Variants in SLC24A1 observed in about 807,000 individuals in gnomAD.
SLC24A1 encodes solute carrier family 24 member 1.
A neutral mutation model predicts 88.1 loss-of-function variants in SLC24A1; 52 were observed. That is an observed-to-expected ratio of 0.59 (90% CI 0.47 to 0.74). The LOEUF is 0.74. Among genes scored for constraint, SLC24A1 ranks in the 30% least tolerant of loss-of-function variants. The pLI, the probability that SLC24A1 is intolerant of heterozygous loss-of-function variation, is 0.00. For missense variants in SLC24A1, 1,173 were observed against 1,363.3 expected (o/e 0.86, Z 2.20); for synonymous variants, 455 against 498.0 (o/e 0.91, Z 1.15).
At chr15:65,621,336 C>T (rs145089221), upstream of SLC24A1, among the ~76,000 whole-genome samples, 479 of 152,312 alleles carry the variant, frequency 3.1e-3, 5 homozygotes, top group African/African-American at 0.011. Flanking sequence ...GGGCTCAGGG[C>T]ACCAACTCCT....
chr15:65,654,748 C>T lies in SLC24A1; in HGVS notation c.*669C>T. 8.2e-7 allele frequency: 1 copy of T among 1,216,984 alleles called. No homozygotes were observed. The highest frequency in any genetic ancestry group is 1.1e-6 in the Non-Finnish European group (1 of 930,012). The allele number at this position is 1,216,984 out of a possible 1,614,324, so 75.4% of individuals were successfully genotyped here. On this transcript the variant is annotated 3_prime_UTR_variant, in exon 10 of 10. Transcript: ENST00000261892. ...GAGACAGAGTTTGGCTCTTGTTGCC[C>T]AGGCTGGTGTGCAATGGCGTGATCT...
chr15:65,631,828 GATTTT>G (rs1347868774), intron 2 of SLC24A1, among the ~76,000 whole-genome samples: 3 of 152,052 alleles, frequency 2.0e-5, no homozygotes, highest in Non-Finnish European at 4.4e-5. Context: ...ACAGAGTTTG[GATTTT>G]ATTTTATTTT....
chr15:65,644,386 C>A, intron 4 of SLC24A1, 41 bp from the exon 5 acceptor site: 2 of 1,382,032 alleles, frequency 1.4e-6, no homozygotes, highest in Non-Finnish European at 2.0e-6. Context: ...AGGGATGATC[C>A]TACAATTCCA....
At chr15:65,651,473 G>A (rs1323992212) in intron 7 of SLC24A1, among the ~76,000 whole-genome samples, 197 bp from the exon 8 acceptor site, 1 of 152,062 alleles carries the variant, frequency 6.6e-6, no homozygotes, top group East Asian at 1.9e-4. Flanking sequence ...TCCCCTACAG[G>A]TGTACCCCCA....
At chr15:65,657,493 A>G (rs1402498757), downstream of SLC24A1, among the ~76,000 whole-genome samples, 2 of 152,070 alleles carry the variant, frequency 1.3e-5, no homozygotes, top group African/African-American at 4.8e-5. Context: ...AATACCAAAA[A>G]TTAGCCGGGC....
At chr15:65,652,902 C>A (rs1460042927) in intron 9 of SLC24A1, 94 bp downstream of exon 9, 7 of 1,024,882 alleles carry the variant, frequency 6.8e-6, no homozygotes, top group Admixed American at 2.5e-5. Flanking sequence ...ATTCATTATA[C>A]ATAGAATAAA....
Position 65,654,023 on chromosome 15 carries a change from C to T in SLC24A1, c.3244C>T (p.Leu1082=). Residue 1082 remains leucine (L), a synonymous_variant, in exon 10 of 10, where the codon CTG becomes TTG. Transcript: ENST00000261892. ...FTMFLLYFVF[L]IISVMLEDRI... ...AATGTTCCTCCTTTACTTTGTATTC[C>T]TGATAATCAGTGTGATGTTAGAAGA... is the stretch of plus-strand genomic sequence containing the variant. The T allele has an allele frequency of 2.5e-6, 4 of 1,613,788 alleles. No individual in the cohort carries two copies. Among genetic ancestry groups the T allele is most frequent in the Non-Finnish European group, 3.4e-6 (4 of 1,179,720 alleles).
intron 2 of SLC24A1, among the ~76,000 whole-genome samples, chr15:65,637,893 T>A (rs1327211140): frequency 6.6e-6 from 1 of 152,102 alleles, no homozygotes; most frequent in Non-Finnish European, 1.5e-5. Flanking sequence ...AGACAGTTGG[T>A]GCCACTGGAC....
chr15:65,654,234 G>A lies in SLC24A1; in HGVS notation c.*155G>A. The A allele has an allele frequency of 1.4e-6, 2 of 1,424,360 alleles. No homozygotes were observed. Among genetic ancestry groups the A allele is most frequent in the Non-Finnish European group, 1.8e-6 (2 of 1,095,006 alleles). The allele number at this position is 1,424,360 out of a possible 1,614,324, so 88.2% of individuals were successfully genotyped here. On this transcript the variant is annotated 3_prime_UTR_variant, in exon 10 of 10. Coordinates refer to ENST00000261892, the MANE Select transcript of SLC24A1 (RefSeq NM_004727.3). The stretch of plus-strand genomic sequence containing the variant: ...TGAATGTGATCTGAGACTAAAGTTT[G>A]TCCTTGGAAACACCTGCAGCTCATT...
chr15:65,615,069 C>T (rs1227561356), intron 2 of SLC24A1, among the ~76,000 whole-genome samples: 6 of 151,980 alleles, frequency 3.9e-5, no homozygotes, highest in Non-Finnish European at 8.8e-5. Flanking sequence ...TAAAATTAAC[C>T]AGGTGTGGTG....
downstream of SLC24A1, chr15:65,658,489 T>C (rs188089143): frequency 2.0e-5 from 3 of 152,296 alleles, no homozygotes; most frequent in Non-Finnish European, 2.9e-5. Context: ...ACCAAACAAA[T>C]AGGTATTTTC....
intron 2 of SLC24A1, among the ~76,000 whole-genome samples, chr15:65,630,479 G>A (rs963134783): frequency 3.3e-5 from 5 of 152,118 alleles, no homozygotes; most frequent in Admixed American, 6.5e-5. Context: ...AGCAGCCGCC[G>A]AGAACCCCCC....
rs752115728 is a variant in SLC24A1, at chr15:65,625,432, G to A, written c.1352G>A (p.Arg451Gln). The change falls in exon 2 of 10, where the codon CGG becomes CAG. Residue 451 changes from arginine to glutamine, a missense_variant. Arg to Gln is a conservative substitution (Grantham distance 43). Transcript: ENST00000261892. ...PPDLFSVEER[R>Q]QGWVVLHVFG... ...GATCTGTTCAGTGTGGAGGAGCGGC[G>A]GCAGGGCTGGGTGGTCCTGCACGTT... The A allele has an allele frequency of 2.1e-5, 34 of 1,613,938 alleles. No homozygotes were observed. The highest frequency in any genetic ancestry group is 6.7e-5 in the African/African-American group (5 of 74,932).
intron 2 of SLC24A1, among the ~76,000 whole-genome samples, chr15:65,635,283 C>A (rs1391239721): frequency 4.6e-5 from 7 of 151,524 alleles, no homozygotes; most frequent in Admixed American, 1.3e-4. Context: ...AGATCAAGAT[C>A]ATCCCGGCCA....
intron 2 of SLC24A1, 29 bp from the exon 3 acceptor site, chr15:65,638,099 C>T: frequency 1.9e-6 from 3 of 1,571,848 alleles, no homozygotes; most frequent in East Asian, 2.3e-5. Context: ...CTCGCCACAA[C>T]ATCTCGTGAC....
downstream of SLC24A1, among the ~76,000 whole-genome samples, chr15:65,658,873 C>A (rs891872695): frequency 3.3e-5 from 5 of 152,104 alleles, no homozygotes; most frequent in African/African-American, 4.8e-5. Flanking sequence ...GGGACCATTT[C>A]TCTAAATACA....
downstream of SLC24A1, chr15:65,660,258 ACTCT>A (rs756941614): frequency 3.3e-6 from 5 of 1,531,204 alleles, no homozygotes; most frequent in South Asian, 6.0e-5. Context: ...ACATTTTTAA[ACTCT>A]CTCCATTATT....
At chr15:65,611,447 C>T (rs940832142) in exon 1 of SLC24A1, 2 of 522,918 alleles carry the variant, frequency 3.8e-6, no homozygotes, top group African/African-American at 3.8e-5. Context: ...TTTCCTTCCC[C>T]TTCTGCCCCA....
chr15:65,624,852 A>G lies in SLC24A1; in HGVS notation c.772A>G (p.Thr258Ala), dbSNP rs1339246019. The G allele has an allele frequency of 1.2e-5, 20 of 1,613,884 alleles. No individual in the cohort carries two copies. The highest frequency in any genetic ancestry group is 1.7e-5 in the Admixed American group (1 of 60,002). ...CAAGGGAATGTTTGATAGCACCCCA[A>G]CTTTTCTGACACATGAGGTAGAAGC... ...TLKGMFDSTP[T>A]FLTHEVEANV... is the part of the protein sequence containing the mutation. Residue 258 changes from threonine (T) to alanine (A), a missense_variant, in exon 2 of 10, where the codon ACT (threonine) becomes GCT (alanine). Physicochemically the swap from Thr to Ala is moderately conservative, Grantham distance 58 (BLOSUM62 0). Coordinates refer to ENST00000261892, the MANE Select transcript of SLC24A1 (RefSeq NM_004727.3).
Sources: allele counts gnomAD v4.1 joint callset (sites outside exome capture counted in the v4.1 genomes callset), GRCh38; gene constraint gnomAD v4.1.1; transcripts MANE v1.5; gene names NCBI Gene and HGNC (gene_info 2026-07-23, HGNC 2026-07-21).